FBLN5: variants seen among roughly 807,000 people sequenced by gnomAD.
The protein encoded by FBLN5 is fibulin-5.
In FBLN5, 24 loss-of-function variants were observed where a neutral mutation model predicts 61.6. The observed-to-expected ratio is 0.39, with a 90% CI of 0.28 to 0.55. FBLN5 has a LOEUF of 0.55. Ranked by LOEUF, FBLN5 falls within the 20% of genes least tolerant of loss-of-function variation. The probability of loss-of-function intolerance (pLI) is 0.65; values close to 1 mark genes in which losing one functional copy is unlikely to be tolerated. For synonymous variants in FBLN5, 213 were observed against 219.8 expected (o/e 0.97, Z 0.27); for missense variants, 470 against 594.1 (o/e 0.79, Z 2.17).
chr14:91,910,675 G>A (rs1358269778), intron 4 of FBLN5, among the ~76,000 whole-genome samples: 1 of 152,118 alleles, frequency 6.6e-6, no homozygotes, highest in Non-Finnish European at 1.5e-5. Context: ...GCCATCCTGT[G>A]CTCCTGAGAA....
chr14:91,870,014 G>T lies in FBLN5; in HGVS notation c.*210C>A. The T allele has an allele frequency of 1.7e-6, 1 of 603,532 alleles. No homozygotes were observed. 37.4% of individuals were successfully genotyped at this position (603,532 alleles called of 1,614,324 possible). A position where few individuals can be genotyped will look rare whatever the true frequency, so the allele number is the denominator to read the frequency against. ...GCAATGATAATACTTTTTGATAACT[G>T]TGTCATAGGAACTGGGGGTGGCAAG... On this transcript the variant is annotated 3_prime_UTR_variant, in exon 11 of 11. Coordinates refer to ENST00000342058, the MANE Select transcript of FBLN5 (RefSeq NM_006329.4).
chr14:91,900,378 T>G (rs1255183066), intron 4 of FBLN5, among the ~76,000 whole-genome samples: 1 of 152,228 alleles, frequency 6.6e-6, no homozygotes, highest in Non-Finnish European at 1.5e-5. Context: ...ATATATGTAT[T>G]TACAGTTCAG....
intron 5 of FBLN5, among the ~76,000 whole-genome samples, chr14:91,893,184 G>A (rs1005489507): frequency 2.0e-5 from 3 of 152,208 alleles, no homozygotes; most frequent in Admixed American, 2.0e-4. Context: ...CTTTCTCTAT[G>A]AGTCTCAGTC....
chr14:91,931,128 C>G (rs572820786), intron 4 of FBLN5, among the ~76,000 whole-genome samples: 25 of 152,340 alleles, frequency 1.6e-4, no homozygotes, highest in African/African-American at 6.0e-4. Context: ...CCCGTCCTCA[C>G]AGGTAGGAAG....
chr14:91,937,422 G>C (rs906823168), intron 3 of FBLN5, among the ~76,000 whole-genome samples: 1 of 152,050 alleles, frequency 6.6e-6, no homozygotes, highest in African/African-American at 2.4e-5. Context: ...TCATGATTTT[G>C]ACCATATCTA....
At chr14:91,923,550 G>T (rs1158468376) in intron 4 of FBLN5, among the ~76,000 whole-genome samples, 3 of 152,136 alleles carry the variant, frequency 2.0e-5, no homozygotes, top group Non-Finnish European at 4.4e-5. Flanking sequence ...AACCCTGACT[G>T]CCCTTCCTCG....
At chr14:91,875,820 G>T (rs765482069) in intron 10 of FBLN5, among the ~76,000 whole-genome samples, 2 of 152,208 alleles carry the variant, frequency 1.3e-5, no homozygotes, top group African/African-American at 2.4e-5. Flanking sequence ...AGACAGAGAG[G>T]TTGAAGTTTC....
chr14:91,889,374 C>G (rs1002404475), intron 6 of FBLN5, among the ~76,000 whole-genome samples: 1 of 152,232 alleles, frequency 6.6e-6, no homozygotes, highest in Non-Finnish European at 1.5e-5. Context: ...ATTCTGCCCC[C>G]CTGGGGTTCT....
At chr14:91,879,019 T>A (rs1329262399) in intron 9 of FBLN5, among the ~76,000 whole-genome samples, 1 of 152,184 alleles carries the variant, frequency 6.6e-6, no homozygotes, top group Admixed American at 6.5e-5. Flanking sequence ...GGTTGAGGCT[T>A]CAATGAGCTG....
At chr14:91,906,198 T>C (rs1246846504) in intron 4 of FBLN5, among the ~76,000 whole-genome samples, 2 of 152,206 alleles carry the variant, frequency 1.3e-5, no homozygotes, top group Non-Finnish European at 2.9e-5. Context: ...TATGAACTTT[T>C]TGGTTACAGA....
intron 10 of FBLN5, 90 bp from the exon 11 acceptor site, chr14:91,870,475 A>C (rs990462480): frequency 1.6e-5 from 21 of 1,294,060 alleles, no homozygotes; most frequent in Non-Finnish European, 2.1e-5. Context: ...TCCGTCAGTC[A>C]AACTGGCACC....
At chr14:91,922,857 C>A (rs2055764133) in intron 4 of FBLN5, among the ~76,000 whole-genome samples, 1 of 152,186 alleles carries the variant, frequency 6.6e-6, no homozygotes, top group Non-Finnish European at 1.5e-5. Flanking sequence ...CAATTTCATC[C>A]ATCCACTGAT....
intron 3 of FBLN5, among the ~76,000 whole-genome samples, chr14:91,938,853 G>A (rs1203400751): frequency 6.6e-6 from 1 of 152,226 alleles, no homozygotes; most frequent in Non-Finnish European, 1.5e-5. Context: ...GCAATGGCAA[G>A]GTGCAGAATG....
In FBLN5 at chr14:91,943,658, A is replaced by G. The variant is rs1490503729; in HGVS notation, c.18-697T>C. Among the ~76,000 whole-genome samples the G allele has an allele frequency of 1.3e-5, 2 of 152,200 alleles. No individual in the cohort carries two copies. Among genetic ancestry groups the G allele is most frequent in the East Asian group, 3.8e-4 (2 of 5,198 alleles). On this transcript the variant is annotated intron_variant, in intron 1 of 10. Coordinates refer to ENST00000342058, the MANE Select transcript of FBLN5 (RefSeq NM_006329.4). This position sits in a 1 kb window ranked among gnomAD's most constrained non-coding sequence, Gnocchi z 4.0. ...ATAAGCCATCATCATGCCCTCAAAC[A>G]GTGAAAGGAAAAGAAAGTGAGAATG...
chr14:91,880,010 G>A (rs1335909349), intron 9 of FBLN5, among the ~76,000 whole-genome samples: 2 of 152,244 alleles, frequency 1.3e-5, no homozygotes, highest in Non-Finnish European at 2.9e-5. Context: ...GCCAGGAACA[G>A]AAAGCCACTG....
rs560789971 is a variant in FBLN5 at position 91,947,139 on chromosome 14, C to T, written c.17+74G>A. On this transcript the variant is annotated intron_variant, in intron 1 of 10. Coordinates refer to ENST00000342058, the MANE Select transcript of FBLN5 (RefSeq NM_006329.4). This position sits in a 1 kb window ranked among gnomAD's most constrained non-coding sequence, Gnocchi z 4.3. ...ACACCGCCTGAATCGCAGCCATAAC[C>T]ATTTTCCACCCATCGGATTTTTAGC... 1.4e-5 allele frequency: 23 copies of T among 1,605,448 alleles called. No homozygotes were observed. Among genetic ancestry groups the T allele is most frequent in the Non-Finnish European group, 1.6e-5 (19 of 1,172,890 alleles).
intron 9 of FBLN5, among the ~76,000 whole-genome samples, chr14:91,880,334 G>GT (rs1804787975): frequency 6.6e-6 from 1 of 152,166 alleles, no homozygotes; most frequent in South Asian, 2.1e-4. Flanking sequence ...AGATCACCAG[G>GT]TGAGTCCTAT....
chr14:91,933,986 C>T (rs1300768075), intron 4 of FBLN5, among the ~76,000 whole-genome samples: 1 of 152,080 alleles, frequency 6.6e-6, no homozygotes, highest in Non-Finnish European at 1.5e-5. Flanking sequence ...GTGGCACATG[C>T]CTGTAGTCCC....
chr14:91,914,993 C>G (rs1461332726), intron 4 of FBLN5, among the ~76,000 whole-genome samples: 1 of 151,854 alleles, frequency 6.6e-6, no homozygotes, highest in Non-Finnish European at 1.5e-5. Flanking sequence ...AACCCCATCT[C>G]TACTAAAAAT....
Sources: gnomAD v4.1 joint callset for allele counts (sites outside exome capture counted in the v4.1 genomes callset) on GRCh38, gnomAD v4.1.1 for gene constraint, Gnocchi (gnomAD v3.1) non-coding constraint, MANE v1.5 for transcripts, NCBI Gene and HGNC (gene_info 2026-07-23, HGNC 2026-07-21) for gene names.